CNTN5: variants seen among roughly 807,000 people sequenced by gnomAD.
CNTN5 encodes the protein contactin-5.
CNTN5 carries 77 observed loss-of-function variants against 129.1 expected under a neutral mutation model. The observed-to-expected ratio is 0.60, with a 90% CI of 0.50 to 0.72. CNTN5 has a LOEUF of 0.72. Ranked by LOEUF, CNTN5 falls within the 30% of genes least tolerant of loss-of-function variation. CNTN5 has a pLI of 0.00. For missense variants in CNTN5, 1,478 were observed against 1,328.8 expected (o/e 1.11, Z -1.75); for synonymous variants, 509 against 465.6 (o/e 1.09, Z -1.20).
At chr11:99,423,847 C>G (rs1943001060) in intron 2 of CNTN5, among the ~76,000 whole-genome samples, 1 of 147,108 alleles carries the variant, frequency 6.8e-6, no homozygotes, top group Non-Finnish European at 1.5e-5. Flanking sequence ...GTGATTTCGA[C>G]TAGGGTGGGT....
At chr11:100,033,641 C>A (rs948046531) in intron 9 of CNTN5, among the ~76,000 whole-genome samples, 2 of 152,180 alleles carry the variant, frequency 1.3e-5, no homozygotes, top group African/African-American at 4.8e-5. Flanking sequence ...TTTAAATCCT[C>A]ACTAAATATT....
chr11:99,639,695 G>A (rs1009928887), intron 3 of CNTN5, among the ~76,000 whole-genome samples: 1 of 149,650 alleles, frequency 6.7e-6, no homozygotes, highest in Non-Finnish European at 1.5e-5. Context: ...CTCCCAAGTA[G>A]CTGAGATTAC....
intron 2 of CNTN5, among the ~76,000 whole-genome samples, chr11:99,526,719 G>A (rs1486078388): frequency 6.6e-6 from 1 of 152,182 alleles, no homozygotes; most frequent in Non-Finnish European, 1.5e-5. Context: ...GTGTTCAAGT[G>A]TAAGTCTGTG....
At chr11:99,095,533 G>A (rs1866435677) in intron 1 of CNTN5, among the ~76,000 whole-genome samples, 1 of 151,860 alleles carries the variant, frequency 6.6e-6, no homozygotes, top group African/African-American at 2.4e-5. Flanking sequence ...TGAGTGGAAT[G>A]CCAGCTAAGA....
intron 13 of CNTN5, among the ~76,000 whole-genome samples, chr11:100,144,024 C>G (rs888073260): frequency 1.3e-5 from 2 of 152,124 alleles, no homozygotes; most frequent in African/African-American, 2.4e-5. Context: ...TAATGATTCT[C>G]TATAACAATT....
chr11:99,213,314 TA>T (rs1859913399), intron 1 of CNTN5, among the ~76,000 whole-genome samples: 1 of 145,080 alleles, frequency 6.9e-6, no homozygotes. Flanking sequence ...TATATACATA[TA>T]TAAAATATAT....
chr11:99,072,177 A>T (rs1186767717), intron 1 of CNTN5, among the ~76,000 whole-genome samples: 1 of 152,024 alleles, frequency 6.6e-6, no homozygotes, highest in Non-Finnish European at 1.5e-5. Context: ...AGTTGAGGGA[A>T]CTTTTCTTTG....
intron 6 of CNTN5, among the ~76,000 whole-genome samples, chr11:99,887,752 A>C (rs775343807): frequency 6.6e-6 from 1 of 152,234 alleles, no homozygotes; most frequent in Non-Finnish European, 1.5e-5. Context: ...TGAGATCAGG[A>C]AGCGTCCAGC....
chr11:99,450,373 T>G lies in CNTN5; in HGVS notation c.-70-105772T>G, dbSNP rs151078925. 2.2e-3 allele frequency among the ~76,000 whole-genome samples: 336 copies of G among 152,098 alleles called. 11 individuals are homozygous for G. The East Asian group carries it at 0.055, about 25-fold the overall frequency. ...TGTATATTGTATAGACTGTCTGTCC[T>G]CATTATGCCCAGTAATGTTCTATAA... On this transcript the variant is annotated intron_variant, in intron 2 of 24. Transcript: ENST00000524871.
At chr11:100,053,271 G>A (rs12283845) in intron 9 of CNTN5, among the ~76,000 whole-genome samples, 47,235 of 151,382 alleles carry the variant, frequency 0.31, 7,740 homozygotes, top group East Asian at 0.47. Context: ...ATTAAAACCT[G>A]CTTTTGTCAA....
chr11:99,347,306 T>A (rs983493097), intron 2 of CNTN5, among the ~76,000 whole-genome samples: 1 of 152,086 alleles, frequency 6.6e-6, no homozygotes, highest in African/African-American at 2.4e-5. Context: ...ATTATTATTA[T>A]CAAAGGGTAA....
At chr11:99,822,754 TTCTCACTTGGCATTTACAATGTAATC>T (rs1331861845) in intron 4 of CNTN5, among the ~76,000 whole-genome samples, 1 of 152,214 alleles carries the variant, frequency 6.6e-6, no homozygotes, top group Non-Finnish European at 1.5e-5. Flanking sequence ...CTCACAGTAA[TTCTCACTTGGCATTTACAATGTAATC>T]TCTCACTTTA....
chr11:99,095,376 A>G (rs779040920), intron 1 of CNTN5, among the ~76,000 whole-genome samples: 8 of 151,916 alleles, frequency 5.3e-5, no homozygotes, highest in Non-Finnish European at 7.4e-5. Flanking sequence ...GTTATTGAAA[A>G]TACAAAATGG....
At chr11:99,098,234 G>T (rs763175076) in intron 1 of CNTN5, among the ~76,000 whole-genome samples, 2 of 152,016 alleles carry the variant, frequency 1.3e-5, no homozygotes, top group Non-Finnish European at 2.9e-5. Flanking sequence ...ACTTACTGAT[G>T]AATGTTTAGG....
intron 7 of CNTN5, among the ~76,000 whole-genome samples, chr11:99,936,308 A>C (rs1388264300): frequency 6.6e-6 from 1 of 152,212 alleles, no homozygotes; most frequent in African/African-American, 2.4e-5. Flanking sequence ...ATGTCCAGTA[A>C]GTTTTCTTTC....
chr11:99,382,257 G>T (rs1940612381), intron 2 of CNTN5, among the ~76,000 whole-genome samples: 1 of 152,230 alleles, frequency 6.6e-6, no homozygotes, highest in South Asian at 2.1e-4. Flanking sequence ...TACAAACACT[G>T]AGAGGACTGA....
chr11:100,250,280 ATATAAT>A (rs931166221), intron 16 of CNTN5, among the ~76,000 whole-genome samples: 6 of 152,108 alleles, frequency 3.9e-5, no homozygotes, highest in African/African-American at 9.7e-5. Flanking sequence ...TCTCCGTCTA[ATATAAT>A]TATATTTTAA....
intron 1 of CNTN5, among the ~76,000 whole-genome samples, chr11:99,071,423 G>A (rs971314051): frequency 4.0e-5 from 6 of 151,806 alleles, no homozygotes; most frequent in Admixed American, 1.3e-4. Context: ...CCAGGACAAA[G>A]GGTTACCTTA....
intron 3 of CNTN5, among the ~76,000 whole-genome samples, chr11:99,809,643 C>T (rs1308575146): frequency 1.3e-5 from 2 of 152,006 alleles, no homozygotes; most frequent in Non-Finnish European, 2.9e-5. Context: ...CCATAGGAAA[C>T]ACTGAACTTG....
Sources: gnomAD v4.1 joint callset for allele counts (sites outside exome capture counted in the v4.1 genomes callset) on GRCh38, gnomAD v4.1.1 for gene constraint, MANE v1.5 for transcripts, NCBI Gene and HGNC (gene_info 2026-07-23, HGNC 2026-07-21) for gene names.